The following CSMD1 variants were observed in gnomAD, a reference collection of about 807,000 sequenced individuals.
CSMD1 encodes CUB and sushi domain-containing protein 1.
A neutral mutation model predicts 417.5 loss-of-function variants in CSMD1; 213 were observed. The observed-to-expected ratio is 0.51, with a 90% CI of 0.46 to 0.57. The LOEUF is 0.57. Among genes scored for constraint, CSMD1 ranks in the 20% least tolerant of loss-of-function variants. The pLI, the probability that CSMD1 is intolerant of heterozygous loss-of-function variation, is 0.00. For synonymous variants in CSMD1, 2,862 were observed against 1,736.8 expected, an observed-to-expected ratio of 1.65 and a Z score of -16.11; for missense variants, 6,923 against 4,529.7, an observed-to-expected ratio of 1.53 and a Z score of -15.17.
intron 2 of CSMD1, among the ~76,000 whole-genome samples, chr8:4,435,882 G>A (rs540317306): frequency 3.9e-5 from 6 of 152,206 alleles, no homozygotes; most frequent in African/African-American, 1.4e-4. Context: ...GACCCTGAGA[G>A]TGGAGTGTGT....
intron 2 of CSMD1, among the ~76,000 whole-genome samples, chr8:4,477,784 T>C (rs540202637): frequency 1.3e-5 from 2 of 152,276 alleles, no homozygotes; most frequent in East Asian, 1.9e-4. Context: ...AGTGAGAACT[T>C]TTATTAAGGT....
At chr8:4,327,228 G>C (rs1003916412) in intron 3 of CSMD1, among the ~76,000 whole-genome samples, 1 of 152,124 alleles carries the variant, frequency 6.6e-6, no homozygotes, top group Non-Finnish European at 1.5e-5. Flanking sequence ...ATATAGCTTA[G>C]TTTTCATTAG....
intron 56 of CSMD1, 136 bp downstream of exon 56, chr8:2,974,315 A>C (rs1274089248): frequency 1.3e-6 from 1 of 796,858 alleles, no homozygotes; most frequent in East Asian, 2.8e-5. Context: ...ATTTGGCTAG[A>C]AATGCAATAC....
intron 5 of CSMD1, among the ~76,000 whole-genome samples, chr8:3,754,835 G>C (rs1462681485): frequency 6.6e-6 from 1 of 152,156 alleles, no homozygotes; most frequent in African/African-American, 2.4e-5. Flanking sequence ...TATATTCCCA[G>C]CATCCCATTT....
intron 1 of CSMD1, among the ~76,000 whole-genome samples, chr8:4,748,970 G>C (rs1447948046): frequency 6.6e-6 from 1 of 152,186 alleles, no homozygotes; most frequent in South Asian, 2.1e-4. Flanking sequence ...CTTCTAATAA[G>C]TTCTAAGCTA....
intron 4 of CSMD1, 98 bp from the exon 5 acceptor site, chr8:3,998,208 T>C (rs1815374235): frequency 1.3e-5 from 14 of 1,060,230 alleles, no homozygotes; most frequent in Non-Finnish European, 1.6e-5. Flanking sequence ...CGACAAATAT[T>C]TTCTGAACCC....
At chr8:4,087,060 C>G (rs1800458522) in intron 3 of CSMD1, among the ~76,000 whole-genome samples, 1 of 152,138 alleles carries the variant, frequency 6.6e-6, no homozygotes. Flanking sequence ...TTGGGCTAGC[C>G]CAAGAGAGAT....
In CSMD1 at chr8:4,426,233, T is replaced by G. The variant is rs1797545433; in HGVS notation, c.303-6168A>C. Reference sequence around the variant, plus strand: ...TTTTATCTATAGTTACCGGACAAGTTTTCCAGTAAAATAACTTATTTTTTA... The same window carrying G: ...TTTTATCTATAGTTACCGGACAAGTGTTCCAGTAAAATAACTTATTTTTTA... On this transcript the variant is annotated intron_variant, in intron 2 of 69. Transcript: ENST00000635120. 1.3e-5 allele frequency among the ~76,000 whole-genome samples: 2 copies of G among 151,956 alleles called. 1 individual carries two copies. The highest frequency in any genetic ancestry group is 4.1e-4 in the South Asian group (2 of 4,836).
chr8:3,891,492 C>T (rs1247756876), intron 5 of CSMD1, among the ~76,000 whole-genome samples: 1 of 151,974 alleles, frequency 6.6e-6, no homozygotes, highest in African/African-American at 2.4e-5. Context: ...CCACCCTGGA[C>T]AACATAACAA....
intron 30 of CSMD1, among the ~76,000 whole-genome samples, chr8:3,213,957 T>G (rs991373114): frequency 2.6e-5 from 4 of 151,766 alleles, no homozygotes; most frequent in Non-Finnish European, 5.9e-5. Flanking sequence ...GCGATTCTCC[T>G]GCCTCACCCT....
intron 3 of CSMD1, among the ~76,000 whole-genome samples, chr8:4,396,077 C>G (rs1804187005): frequency 6.6e-6 from 1 of 152,080 alleles, no homozygotes; most frequent in African/African-American, 2.4e-5. Context: ...CCATTTCTGT[C>G]TTATACCATC....
chr8:3,643,703 A>T (rs1797430271), intron 7 of CSMD1, among the ~76,000 whole-genome samples: 1 of 55,014 alleles, frequency 1.8e-5, no homozygotes, highest in South Asian at 5.1e-4. Flanking sequence ...TCCGTCTCAA[A>T]AAAAAAAAAA....
chr8:2,999,064 T>C (rs1243162026), intron 53 of CSMD1, among the ~76,000 whole-genome samples: 1 of 152,008 alleles, frequency 6.6e-6, no homozygotes, highest in Non-Finnish European at 1.5e-5. Context: ...GTTCGAAAAA[T>C]AGTCAATATT....
At chr8:3,952,273 A>T (rs2129887542) in intron 5 of CSMD1, among the ~76,000 whole-genome samples, 1 of 152,312 alleles carries the variant, frequency 6.6e-6, no homozygotes, top group Non-Finnish European at 1.5e-5. Flanking sequence ...AGCACACAGT[A>T]AATACTTCTA....
At chr8:4,048,637 T>G (rs953913158) in intron 3 of CSMD1, among the ~76,000 whole-genome samples, 5 of 152,212 alleles carry the variant, frequency 3.3e-5, no homozygotes, top group Non-Finnish European at 5.9e-5. Context: ...AAATAATTTT[T>G]GGGTGTCAAT....
intron 8 of CSMD1, among the ~76,000 whole-genome samples, chr8:3,615,241 C>A (rs2449238): frequency 0.68 from 103,802 of 151,884 alleles, 35,909 homozygotes; most frequent in African/African-American, 0.75. Flanking sequence ...TGACAGACAG[C>A]AAAGTGGGTA....
At chr8:4,056,216 G>T (rs1014807038) in intron 3 of CSMD1, among the ~76,000 whole-genome samples, 2 of 150,636 alleles carry the variant, frequency 1.3e-5, no homozygotes, top group African/African-American at 4.9e-5. Flanking sequence ...CGAGTAGCTG[G>T]GATTACAGGT....
intron 5 of CSMD1, among the ~76,000 whole-genome samples, chr8:3,992,130 G>C (rs904904965): frequency 1.3e-5 from 2 of 151,312 alleles, no homozygotes; most frequent in Admixed American, 6.6e-5. Flanking sequence ...ATATATGTGT[G>C]TGTGTGTGTA....
At chr8:4,353,870 A>G (rs999045100) in intron 3 of CSMD1, among the ~76,000 whole-genome samples, 9 of 152,276 alleles carry the variant, frequency 5.9e-5, no homozygotes, top group African/African-American at 2.2e-4. Flanking sequence ...TCTGGTTTAC[A>G]GCAATAGTGC....
Sources: allele counts gnomAD v4.1 joint callset (sites outside exome capture counted in the v4.1 genomes callset), GRCh38; gene constraint gnomAD v4.1.1; transcripts MANE v1.5; gene names NCBI Gene and HGNC (gene_info 2026-07-23, HGNC 2026-07-21).